NUP210L: variants seen among roughly 807,000 people sequenced by gnomAD.
NUP210L encodes nuclear pore membrane glycoprotein 210-like.
NUP210L carries 74 observed loss-of-function variants against 208.5 expected under a neutral mutation model. The ratio of observed to expected loss-of-function variants is 0.35; its 90% CI spans 0.29 to 0.43. The LOEUF (loss-of-function observed/expected upper bound fraction) is 0.43. Among genes scored for constraint, NUP210L ranks in the 20% least tolerant of loss-of-function variants. The pLI, the probability that NUP210L is intolerant of heterozygous loss-of-function variation, is 1.00. For missense variants in NUP210L, 1,843 were observed against 2,289.4 expected, an observed-to-expected ratio of 0.81 and a Z score of 3.98; for synonymous variants, 780 against 816.9, an observed-to-expected ratio of 0.95 and a Z score of 0.77.
chr1:154,123,069 A>AT (rs371321267), intron 10 of NUP210L, among the ~76,000 whole-genome samples: 74,984 of 142,702 alleles, frequency 0.53, 20,885 homozygotes, highest in Non-Finnish European at 0.57. Flanking sequence ...AAAAAAAAAA[A>AT]CCACAAAAAA....
chr1:153,992,785 C>T, exon 40 of NUP210L: 1 of 1,262,440 alleles, frequency 7.9e-7, no homozygotes, highest in African/African-American at 1.5e-5. Context: ...TTGTCGAGGA[C>T]TAGAAATCTT....
intron 1 of NUP210L, among the ~76,000 whole-genome samples, 191 bp from the exon 2 acceptor site, chr1:154,153,063 C>T (rs1187981650): frequency 6.6e-6 from 1 of 152,024 alleles, no homozygotes; most frequent in Non-Finnish European, 1.5e-5. Flanking sequence ...CCCAATGATC[C>T]CTTGAACAAA....
At chr1:154,133,644 A>T (rs1658368858) in intron 7 of NUP210L, among the ~76,000 whole-genome samples, 1 of 151,722 alleles carries the variant, frequency 6.6e-6, no homozygotes, top group Non-Finnish European at 1.5e-5. Flanking sequence ...GTTCAAGAGC[A>T]GTGTGGGCAA....
intron 13 of NUP210L, among the ~76,000 whole-genome samples, 179 bp from the exon 14 acceptor site, chr1:154,100,322 G>A (rs573481061): frequency 6.6e-6 from 1 of 151,556 alleles, no homozygotes; most frequent in Non-Finnish European, 1.5e-5. Context: ...ATGGTGGCGT[G>A]CACCTGTAGT....
At chr1:154,134,734 CAAAAA>C (rs67813355) in intron 7 of NUP210L, among the ~76,000 whole-genome samples, 1 of 67,314 alleles carries the variant, frequency 1.5e-5, no homozygotes, top group Admixed American at 2.1e-4. Flanking sequence ...GACTCCGTCT[CAAAAA>C]AAAAAAAAAA....
At chr1:154,140,716 G>GCTCA (rs911611047) in intron 4 of NUP210L, among the ~76,000 whole-genome samples, 1 of 149,422 alleles carries the variant, frequency 6.7e-6, no homozygotes, top group African/African-American at 2.5e-5. Context: ...AGACACGGTG[G>GCTCA]CTCACGCCGT....
Position 154,129,346 on chromosome 1 carries a change from C to T in NUP210L, c.1010-1G>A, listed in dbSNP as rs374212298. ...CCAGACACAGATCGCATATGAACAT[C>T]TTAATTTTTGCTTAAGGAAATCATG... On this transcript the variant is annotated splice_acceptor_variant, in intron 7 of 39. Transcript: ENST00000368559. LOFTEE classifies it high-confidence loss of function. 6.2e-7 allele frequency: 1 copy of T among 1,604,882 alleles called. No homozygotes were observed. The highest frequency in any genetic ancestry group is 8.5e-7 in the Non-Finnish European group (1 of 1,174,380).
intron 1 of NUP210L, among the ~76,000 whole-genome samples, chr1:154,153,211 A>T (rs2148167123): frequency 6.6e-6 from 1 of 152,304 alleles, no homozygotes; most frequent in East Asian, 1.9e-4. Flanking sequence ...CTTCAATCCT[A>T]GAAACCAGGC....
intron 14 of NUP210L, among the ~76,000 whole-genome samples, chr1:154,099,074 A>G (rs1656324389): frequency 6.6e-6 from 1 of 152,128 alleles, no homozygotes; most frequent in African/African-American, 2.4e-5. Context: ...TTGTTCTGAG[A>G]TTGGAGTTGG....
intron 16 of NUP210L, among the ~76,000 whole-genome samples, chr1:154,076,398 G>C (rs1004561597): frequency 6.6e-6 from 1 of 152,008 alleles, no homozygotes; most frequent in Non-Finnish European, 1.5e-5. Context: ...CACTGTGCCC[G>C]GCCAGACTTC....
chr1:154,134,812 C>T (rs376322037), intron 7 of NUP210L, among the ~76,000 whole-genome samples: 1 of 150,206 alleles, frequency 6.7e-6, no homozygotes, highest in Non-Finnish European at 1.5e-5. Context: ...CTTGGCTCAC[C>T]GCAACCTCCA....
Position 154,001,722 on chromosome 1 carries a change from GTTC to G in NUP210L, c.5181+10_5181+12del. The G allele has an allele frequency of 6.2e-7, 1 of 1,613,568 alleles. No homozygotes were observed. The highest frequency in any genetic ancestry group is 8.5e-7 in the Non-Finnish European group (1 of 1,179,590). On this transcript the variant is annotated intron_variant, in intron 36 of 39. Transcript: ENST00000368559. Reference sequence around the variant, plus strand: ...TGATCTCTTGTTCTGTTTTGGTTCAGTTCTTAACATACCTCTAGCTTCCTAAGA... The same window carrying G: ...TGATCTCTTGTTCTGTTTTGGTTCAGTTAACATACCTCTAGCTTCCTAAGA...
In NUP210L at chr1:154,018,913, T is replaced by G; in HGVS notation, c.4653+20A>C. 1 of 1,613,516 alleles carries G rather than the reference T, an allele frequency of 6.2e-7. No homozygotes were observed. The highest frequency in any genetic ancestry group is 8.5e-7 in the Non-Finnish European group (1 of 1,179,680). ...CAATAGTCACCCTAGTCTCTTAAACTCTGATACAGTTATGTTTACCTCTCG... is the reference window on the plus strand; with the variant it reads ...CAATAGTCACCCTAGTCTCTTAAACGCTGATACAGTTATGTTTACCTCTCG... On this transcript the variant is annotated intron_variant, in intron 33 of 39. Transcript: ENST00000368559.
chr1:154,099,454 G>T (rs1341734736), intron 14 of NUP210L, among the ~76,000 whole-genome samples: 1 of 152,160 alleles, frequency 6.6e-6, no homozygotes, highest in Admixed American at 6.5e-5. Flanking sequence ...CAGACAGGCT[G>T]CCACTGCCAT....
At chr1:153,997,852 G>C (rs75596339) in intron 37 of NUP210L, among the ~76,000 whole-genome samples, 9,323 of 151,604 alleles carry the variant, frequency 0.061, 369 homozygotes, top group Non-Finnish European at 0.097. Context: ...ACTACACCTG[G>C]CTATTTTTAT....
intron 29 of NUP210L, 55 bp from the exon 30 acceptor site, chr1:154,025,771 G>T (rs1651844418): frequency 6.7e-7 from 1 of 1,502,082 alleles, no homozygotes; most frequent in Non-Finnish European, 9.0e-7. Flanking sequence ...TGACCAGAGA[G>T]AAAAGAGTAA....
chr1:154,138,673 G>C (rs756778585), intron 5 of NUP210L, among the ~76,000 whole-genome samples: 6 of 152,140 alleles, frequency 3.9e-5, no homozygotes, highest in Non-Finnish European at 8.8e-5. Context: ...TTCTCTCTAG[G>C]AGGTCCACAC....
chr1:154,090,075 TA>T (rs1024364985), intron 15 of NUP210L, among the ~76,000 whole-genome samples: 47 of 144,770 alleles, frequency 3.2e-4, no homozygotes, highest in East Asian at 8.0e-4. Flanking sequence ...AGACCCTGTC[TA>T]AAAAAAAAAA....
Position 154,043,917 on chromosome 1 carries a change from A to G in NUP210L, c.3696+2152T>C, listed in dbSNP as rs533183270. ...TTACAGGCCTTATGAAGGCCTTTCT[A>G]TTGCCCATTTCATTACCCAATTTGC... On this transcript the variant is annotated intron_variant, in intron 27 of 39. Coordinates refer to ENST00000368559, the Ensembl canonical transcript of NUP210L. 1.2e-3 allele frequency among the ~76,000 whole-genome samples: 181 copies of G among 152,058 alleles called. 1 individual carries two copies. The highest frequency in any genetic ancestry group is 4.2e-3 in the African/African-American group (174 of 41,498).
Sources: gnomAD v4.1 joint callset for allele counts (sites outside exome capture counted in the v4.1 genomes callset) on GRCh38, gnomAD v4.1.1 for gene constraint, MANE v1.5 for transcripts, NCBI Gene and HGNC (gene_info 2026-07-23, HGNC 2026-07-21) for gene names.